MARK4: variants seen among roughly 807,000 people sequenced by gnomAD.
The protein encoded by MARK4 is microtubule affinity regulating kinase 4.
In MARK4, 19 loss-of-function variants were observed where a neutral mutation model predicts 81.5. The observed-to-expected ratio is 0.23, with a 90% CI of 0.16 to 0.34. MARK4 has a LOEUF of 0.34. Ranked by LOEUF, MARK4 falls within the 10% of genes least tolerant of loss-of-function variation. MARK4 has a pLI of 1.00. For missense variants in MARK4, 772 were observed against 1,058.8 expected, an observed-to-expected ratio of 0.73 and a Z score of 3.76; for synonymous variants, 436 against 439.0, an observed-to-expected ratio of 0.99 and a Z score of 0.08.
intron 13 of MARK4, among the ~76,000 whole-genome samples, chr19:45,291,022 C>T (rs1010947615): frequency 6.6e-6 from 1 of 152,114 alleles, no homozygotes; most frequent in Non-Finnish European, 1.5e-5. Flanking sequence ...GGAGGGAGGC[C>T]GGGATGCCTG....
At chr19:45,261,763 G>A (rs1348101759) in intron 2 of MARK4, among the ~76,000 whole-genome samples, 7 of 152,058 alleles carry the variant, frequency 4.6e-5, no homozygotes, top group African/African-American at 9.7e-5. Context: ...GAGAAACCCC[G>A]TCTCTACTAA....
intron 15 of MARK4, 122 bp downstream of exon 15, chr19:45,298,076 C>A: frequency 1.4e-6 from 2 of 1,465,296 alleles, no homozygotes; most frequent in Non-Finnish European, 1.9e-6. Context: ...TCCTCCTCCT[C>A]GTTTCCTCCT....
chr19:45,297,697 C>T lies in MARK4; in HGVS notation c.1620C>T (p.Pro540=), dbSNP rs1368629608. 1.3e-6 allele frequency: 2 copies of T among 1,531,830 alleles called. No homozygotes were observed. The highest frequency in any genetic ancestry group is 1.3e-5 in the South Asian group (1 of 76,778). The allele number at this position is 1,531,830 out of a possible 1,614,324, so 94.9% of individuals were successfully genotyped here. Residue 540 remains proline (P), a synonymous_variant, in exon 15 of 17, where the codon CCC becomes CCT. Coordinates refer to ENST00000262891, the MANE Select transcript of MARK4 (RefSeq NM_001199867.2). ...KENSSGTPRV[P]PASPSSHSLA... The stretch of plus-strand genomic sequence containing the variant: ...ACAGCTCAGGCACCCCACGGGTGCC[C>T]CCTGCCTCCCCCTCCAGTCACAGCC...
In MARK4 at chr19:45,283,839, A is replaced by T. The variant is rs568544888; in HGVS notation, c.1276+3105A>T. 9.9e-5 allele frequency among the ~76,000 whole-genome samples: 15 copies of T among 152,170 alleles called. No individual in the cohort carries two copies. The South Asian group carries it at 3.1e-3, about 32-fold the overall frequency. On this transcript the variant is annotated intron_variant, in intron 12 of 16. Transcript: ENST00000262891. ...ATCTGGTAACTGTGTGTTTAATAATAGTTTGAGGAACTTTCAGGGTGTTTT... is the reference window on the plus strand; with the variant it reads ...ATCTGGTAACTGTGTGTTTAATAATTGTTTGAGGAACTTTCAGGGTGTTTT...
At chr19:45,286,201 G>A (rs1970740352) in intron 12 of MARK4, among the ~76,000 whole-genome samples, 1 of 152,078 alleles carries the variant, frequency 6.6e-6, no homozygotes, top group Middle Eastern at 3.4e-3. Flanking sequence ...GATTACAGGT[G>A]CATGCCACCA....
chr19:45,277,928 G>C lies in MARK4; in HGVS notation c.792G>C (p.Leu264=), dbSNP rs370759371. Residue 264 remains leucine (L), a synonymous_variant, in exon 9 of 17, where the codon CTG becomes CTC. Transcript: ENST00000262891. ...CAGTAACCCCATCCCTGCAGGAGCTGCGGGAGCGAGTACTCAGAGGGAAGT... is the reference window on the plus strand; with the variant it reads ...CAGTAACCCCATCCCTGCAGGAGCTCCGGGAGCGAGTACTCAGAGGGAAGT... ...LPFDGHNLKE[L]RERVLRGKYR... The C allele has an allele frequency of 2.8e-4, 449 of 1,613,026 alleles. 8 individuals are homozygous for C. In the South Asian group the frequency reaches 4.6e-3, roughly 17 times the overall value.
intron 12 of MARK4, among the ~76,000 whole-genome samples, chr19:45,282,521 C>T (rs551900317): frequency 1.2e-4 from 18 of 151,380 alleles, no homozygotes; most frequent in East Asian, 2.0e-4. Context: ...AGCAAGACCC[C>T]GTCTCTACAA....
chr19:45,273,148 C>A (rs943723134), intron 8 of MARK4, among the ~76,000 whole-genome samples: 19 of 151,408 alleles, frequency 1.3e-4, no homozygotes, highest in African/African-American at 4.4e-4. Context: ...TTTTTTTCCC[C>A]CTTTGAACTT....
rs577432488 is a variant in MARK4 at position 45,302,185 on chromosome 19, G to A, written c.1923-189G>A. ...CAAGGTCACACCTGGTTGCAAGGGA[G>A]GCTGGAAAGTGTGGTCTCTAGCTGG... On this transcript the variant is annotated intron_variant, in intron 16 of 16. Coordinates refer to ENST00000262891, the MANE Select transcript of MARK4 (RefSeq NM_001199867.2). This position sits in a 1 kb window ranked among gnomAD's most constrained non-coding sequence, Gnocchi z 4.9. 5.3e-5 allele frequency among the ~76,000 whole-genome samples: 8 copies of A among 152,360 alleles called. No homozygotes were observed. Among genetic ancestry groups the A allele is most frequent in the Admixed American group, 1.3e-4 (2 of 15,304 alleles).
In MARK4 at chr19:45,302,117, G is replaced by A. The variant is rs1970983296; in HGVS notation, c.1923-257G>A. Among the ~76,000 whole-genome samples the A allele has an allele frequency of 6.6e-6, 1 of 152,200 alleles. No homozygotes were observed. The highest frequency in any genetic ancestry group is 2.4e-5 in the African/African-American group (1 of 41,452). ...GCAGGTTCTTTGAAGGAACTGATGT[G>A]GATGGCACATCTCACTTCTGCTCAT... On this transcript the variant is annotated intron_variant, in intron 16 of 16. Transcript: ENST00000262891. The surrounding 1 kb of genome is among the most constrained non-coding windows in gnomAD (Gnocchi z 4.9).
intron 8 of MARK4, among the ~76,000 whole-genome samples, chr19:45,273,369 G>C (rs73036568): frequency 0.17 from 25,134 of 152,116 alleles, 2,532 homozygotes; most frequent in African/African-American, 0.29. Context: ...CTAAAGGCGA[G>C]AGCGGGTTAT....
chr19:45,286,334 G>A (rs374364979), intron 12 of MARK4, among the ~76,000 whole-genome samples: 3 of 151,686 alleles, frequency 2.0e-5, no homozygotes, highest in African/African-American at 4.8e-5. Flanking sequence ...GATTACAGGC[G>A]TGAGCCACCG....
At chr19:45,259,367 AAG>A (rs1342015040) in intron 2 of MARK4, among the ~76,000 whole-genome samples, 178 bp downstream of exon 2, 2 of 152,294 alleles carry the variant, frequency 1.3e-5, no homozygotes, top group East Asian at 3.9e-4. Flanking sequence ...CCCATGGGAA[AAG>A]AGAACTAATT....
chr19:45,296,207 C>T (rs1196302706), intron 14 of MARK4, among the ~76,000 whole-genome samples: 3 of 151,608 alleles, frequency 2.0e-5, no homozygotes, highest in African/African-American at 7.3e-5. Flanking sequence ...AAATTACAGA[C>T]TCAGACAAAA....
chr19:45,280,459 C>T lies in MARK4; in HGVS notation c.1092C>T (p.Tyr364=). 6.2e-7 allele frequency: 1 copy of T among 1,614,206 alleles called. No individual in the cohort carries two copies. The change falls in exon 11 of 17, where the codon TAC becomes TAT. Residue 364 remains tyrosine (Y), a synonymous_variant. Transcript: ENST00000262891. ...AGTACAACGAAGTGACCGCCACCTA[C>T]CTCCTGCTGGGCAGGAAGACTGAGG... ...SQKYNEVTAT[Y]LLLGRKTEEG...
At chr19:45,300,717 C>A (rs1190360598) in intron 16 of MARK4, among the ~76,000 whole-genome samples, 1 of 152,152 alleles carries the variant, frequency 6.6e-6, no homozygotes, top group Admixed American at 6.5e-5. Flanking sequence ...GAAACCGGAG[C>A]CTTCCCAGCA....
In MARK4 at chr19:45,263,119, A is replaced by G; in HGVS notation, c.259A>G (p.Ile87Val). Residue 87 changes from isoleucine to valine, a missense_variant, in exon 3 of 17, where the codon ATC becomes GTC. Physicochemically the swap from Ile to Val is conservative, Grantham distance 29. Transcript: ENST00000262891. ...TCCTTTCCTCCCCCTCTAGGTTGCC[A>G]TCAAGATTATCGACAAAACCCAGCT... The part of the protein sequence containing the change: ...RHILTGREVA[I>V]KIIDKTQLNP... 1 of 1,606,248 alleles carries G rather than the reference A, an allele frequency of 6.2e-7. No individual in the cohort carries two copies. The highest frequency in any genetic ancestry group is 8.5e-7 in the Non-Finnish European group (1 of 1,176,056).
intron 6 of MARK4, 105 bp from the exon 7 acceptor site, chr19:45,266,120 G>T (rs1020289502): frequency 2.6e-6 from 3 of 1,136,552 alleles, no homozygotes; most frequent in Non-Finnish European, 4.0e-6. Context: ...CTCAGGCTGT[G>T]CCTTGGGGAG....
Position 45,277,943 on chromosome 19 carries a change from C to T in MARK4, c.807C>T (p.Leu269=). Residue 269 remains leucine (L), a synonymous_variant, in exon 9 of 17, where the codon CTC becomes CTT. Coordinates refer to ENST00000262891, the MANE Select transcript of MARK4 (RefSeq NM_001199867.2). The stretch of plus-strand genomic sequence containing the variant: ...TGCAGGAGCTGCGGGAGCGAGTACT[C>T]AGAGGGAAGTACCGGGTCCCTTTCT... ...HNLKELRERV[L]RGKYRVPFYM... is the part of the protein sequence containing the mutation. 6.2e-7 allele frequency: 1 copy of T among 1,613,422 alleles called. No homozygotes were observed. Among genetic ancestry groups the T allele is most frequent in the Non-Finnish European group, 8.5e-7 (1 of 1,179,846 alleles).
Sources: allele counts gnomAD v4.1 joint callset (sites outside exome capture counted in the v4.1 genomes callset), GRCh38; gene constraint gnomAD v4.1.1; non-coding constraint Gnocchi (gnomAD v3.1); transcripts MANE v1.5; gene names NCBI Gene and HGNC (gene_info 2026-07-23, HGNC 2026-07-21).